The following RAPH1 variants were observed in gnomAD, a reference collection of about 807,000 sequenced individuals.
RAPH1 encodes the protein Ras association (RalGDS/AF-6) and pleckstrin homology domains 1.
Under a neutral mutation model 88.1 loss-of-function variants are expected in RAPH1, and 18 were observed. The observed-to-expected ratio is 0.20, with a 90% CI of 0.14 to 0.30. The LOEUF (loss-of-function observed/expected upper bound fraction) is 0.30. Among genes scored for constraint, RAPH1 ranks in the 10% least tolerant of loss-of-function variants. The pLI is 1.00. For missense variants in RAPH1, 1,448 were observed against 1,543.2 expected (o/e 0.94, Z 1.03); for synonymous variants, 587 against 559.0 (o/e 1.05, Z -0.71).
chr2:203,489,152 GA>G (rs149623019), intron 4 of RAPH1, among the ~76,000 whole-genome samples: 50 of 140,516 alleles, frequency 3.6e-4, no homozygotes, highest in Middle Eastern at 3.6e-3. Flanking sequence ...AAAAAAAGGA[GA>G]AAAAAAAAAA....
rs561738848 is a variant in RAPH1 at position 203,533,592 on chromosome 2, G to C, written c.-1+1519C>G. Among the ~76,000 whole-genome samples, 97 of 151,708 alleles carry C rather than the reference G, an allele frequency of 6.4e-4. 1 individual carries two copies. The highest frequency in any genetic ancestry group is 2.2e-3 in the African/African-American group (92 of 41,342). On this transcript the variant is annotated intron_variant, in intron 1 of 13. Transcript: ENST00000319170. ...TGCTGAAATCCTACTCATCCTTAAAGGTTTCACTTAAATGCCGAGGCTTCC... is the reference window on the plus strand; with the variant it reads ...TGCTGAAATCCTACTCATCCTTAAACGTTTCACTTAAATGCCGAGGCTTCC...
chr2:203,486,891 A>G (rs1336738611), intron 4 of RAPH1, among the ~76,000 whole-genome samples: 1 of 152,148 alleles, frequency 6.6e-6, no homozygotes. Context: ...AAGGCTTTTT[A>G]ACTCCTTTCC....
At chr2:203,490,111 G>A in intron 3 of RAPH1, 22 bp from the exon 4 acceptor site, 2 of 1,556,454 alleles carry the variant, frequency 1.3e-6, no homozygotes, top group Non-Finnish European at 1.7e-6. Context: ...AACACATAAT[G>A]TTTCCAGAAT....
Position 203,441,223 on chromosome 2 carries a change from G to C in RAPH1, c.1967C>G (p.Ser656Cys), listed in dbSNP as rs1015135213. 1.9e-6 allele frequency: 3 copies of C among 1,570,158 alleles called. No individual in the cohort carries two copies. Among genetic ancestry groups the C allele is most frequent in the Non-Finnish European group, 2.6e-6 (3 of 1,153,830 alleles). The change falls in exon 14 of 14, where the codon TCT (serine) becomes TGT (cysteine). Residue 656 changes from serine (S) to cysteine (C), a missense_variant. Around this residue, in one of 2 missense-constraint regions of RAPH1, gnomAD observed 935 missense variants for 890.1 expected, o/e 1.05. Transcript: ENST00000319170. The stretch of plus-strand genomic sequence containing the variant: ...GAACATTGGGGCTGCTGAGCCTGCA[G>C]AAGGTGCAGACTGGCTGGGGAGTGG... ...PPPLPSQSAP[S>C]AGSAAPMFVK...
chr2:203,494,565 T>C (rs1688424116), intron 2 of RAPH1, among the ~76,000 whole-genome samples: 2 of 151,986 alleles, frequency 1.3e-5, no homozygotes, highest in South Asian at 2.1e-4. Context: ...TCCCAGCACT[T>C]TGGGAGGCTG....
At chr2:203,477,016 A>T (rs1687485227) in intron 4 of RAPH1, 4 of 1,107,240 alleles carry the variant, frequency 3.6e-6, no homozygotes, top group Non-Finnish European at 5.4e-6. Context: ...CATCATTTGG[A>T]GGTCTAATGA....
Position 203,438,160 on chromosome 2 carries a change from C to A in RAPH1, c.*1277G>T, listed in dbSNP as rs772079895. ...ACCTAGTAACCTGAACTAATCACAA[C>A]CAGGCTGCAGTCAGCAAGGGTCCTG... is the stretch of plus-strand genomic sequence containing the variant. On this transcript the variant is annotated 3_prime_UTR_variant, in exon 14 of 14. Transcript: ENST00000319170. The A allele has an allele frequency of 1.9e-6, 1 of 518,692 alleles. No individual in the cohort carries two copies. Among genetic ancestry groups the A allele is most frequent in the Non-Finnish European group, 3.8e-6 (1 of 259,826 alleles). The allele number at this position is 518,692 out of a possible 1,614,324, so 32.1% of individuals were successfully genotyped here.
At chr2:203,495,931 C>T (rs1257782790) in intron 1 of RAPH1, among the ~76,000 whole-genome samples, 1 of 152,208 alleles carries the variant, frequency 6.6e-6, no homozygotes, top group East Asian at 1.9e-4. Context: ...ACCTTACTTC[C>T]TCATCAGTTC....
At chr2:203,465,409 A>G (rs908957019) in intron 4 of RAPH1, among the ~76,000 whole-genome samples, 1 of 152,238 alleles carries the variant, frequency 6.6e-6, no homozygotes, top group African/African-American at 2.4e-5. Context: ...TTAGTGTACA[A>G]TTCTAACTAC....
At position 203,437,833 on chromosome 2, in the gene RAPH1, G is replaced by C. The variant is rs1254261319; in HGVS notation, c.*1604C>G. 4.9e-6 allele frequency: 1 copy of C among 204,966 alleles called. No homozygotes were observed. The highest frequency in any genetic ancestry group is 9.9e-6 in the Non-Finnish European group (1 of 101,116). 12.7% of individuals were successfully genotyped at this position (204,966 alleles called of 1,614,324 possible). On this transcript the variant is annotated 3_prime_UTR_variant, in exon 14 of 14. Transcript: ENST00000319170. The stretch of plus-strand genomic sequence containing the variant: ...CAACTGATTTCTGCAGTTTGCATTG[G>C]TAATCATTAACAATAGGCACAGACT...
chr2:203,453,283 GC>G (rs948687026), intron 10 of RAPH1, among the ~76,000 whole-genome samples: 3 of 152,082 alleles, frequency 2.0e-5, no homozygotes, highest in African/African-American at 7.2e-5. Flanking sequence ...CAGTGGCTCT[GC>G]CTGTAATCCT....
At chr2:203,471,708 T>C (rs2098533242) in intron 4 of RAPH1, among the ~76,000 whole-genome samples, 1 of 152,210 alleles carries the variant, frequency 6.6e-6, no homozygotes. Flanking sequence ...TGCTCACATC[T>C]ATACTATGTT....
intron 4 of RAPH1, among the ~76,000 whole-genome samples, chr2:203,479,683 G>A (rs913445283): frequency 1.3e-5 from 2 of 151,332 alleles, no homozygotes; most frequent in Non-Finnish European, 2.9e-5. Context: ...ACAGTATGAC[G>A]GAATACTATA....
chr2:203,533,850 T>A (rs772032369), intron 1 of RAPH1, among the ~76,000 whole-genome samples: 1 of 152,092 alleles, frequency 6.6e-6, no homozygotes, highest in African/African-American at 2.4e-5. Context: ...TTAATCTACA[T>A]GAAAAACATC....
At chr2:203,473,791 T>C (rs2098535144) in intron 4 of RAPH1, among the ~76,000 whole-genome samples, 1 of 152,226 alleles carries the variant, frequency 6.6e-6, no homozygotes, top group Non-Finnish European at 1.5e-5. Context: ...ATATTTTCTT[T>C]TATTTACCAA....
At chr2:203,533,537 A>T (rs1690480039) in intron 1 of RAPH1, 1 of 151,684 alleles carries the variant, frequency 6.6e-6, no homozygotes, top group Middle Eastern at 3.2e-3. Flanking sequence ...TAGCACCACC[A>T]TGTGAAATGT....
intron 4 of RAPH1, among the ~76,000 whole-genome samples, chr2:203,475,179 G>A (rs1262807003): frequency 6.6e-6 from 1 of 152,144 alleles, no homozygotes; most frequent in Non-Finnish European, 1.5e-5. Context: ...AGGCCGAGGC[G>A]GGAGGATCAC....
Position 203,441,255 on chromosome 2 carries a change from A to T in RAPH1, c.1935T>A (p.Pro645=), listed in dbSNP as rs753321714. 3.4e-5 allele frequency: 6 copies of T among 174,716 alleles called. No individual in the cohort carries two copies. Among genetic ancestry groups the T allele is most frequent in the Admixed American group, 4.2e-4 (2 of 4,716 alleles). The allele number at this position is 174,716 out of a possible 1,614,324, so 10.8% of individuals were successfully genotyped here. A position where few individuals can be genotyped will look rare whatever the true frequency, so the allele number is the denominator to read the frequency against. The part of the protein sequence containing the change: ...PPPPPPPPPP[P]PPPLPSQSAP... ...CAGACTGGCTGGGGAGTGGGGGAGGAGGGGGTGGTGGAGGGGGTGGTGGAG... is the reference window on the plus strand; with the variant it reads ...CAGACTGGCTGGGGAGTGGGGGAGGTGGGGGTGGTGGAGGGGGTGGTGGAG... Residue 645 remains proline, a synonymous_variant, in exon 14 of 14, where the codon CCT becomes CCA. Coordinates refer to ENST00000319170, the MANE Select transcript of RAPH1 (RefSeq NM_213589.3).
chr2:203,442,279 C>T (rs527587228), intron 13 of RAPH1: 14 of 455,814 alleles, frequency 3.1e-5, no homozygotes, highest in East Asian at 2.9e-4. Context: ...TAGTTTATTT[C>T]GTGGAGCTAA....
Sources: gnomAD v4.1 joint callset for allele counts (sites outside exome capture counted in the v4.1 genomes callset) on GRCh38, gnomAD v4.1.1 for gene constraint, gnomAD v4.1.1 regional missense constraint, MANE v1.5 for transcripts, NCBI Gene and HGNC (gene_info 2026-07-23, HGNC 2026-07-21) for gene names.